Variants in ABR observed in about 807,000 individuals in gnomAD.
ABR encodes the protein active breakpoint cluster region-related protein.
ABR carries 35 observed loss-of-function variants against 107.2 expected under a neutral mutation model. The ratio of observed to expected loss-of-function variants is 0.33; its 90% confidence interval spans 0.25 to 0.43. The LOEUF (loss-of-function observed/expected upper bound fraction) is 0.43, where lower values mean the gene tolerates loss of function less well. Ranked by LOEUF, ABR falls within the 20% of genes least tolerant of loss-of-function variation. ABR has a pLI of 1.00. For synonymous variants in ABR, 498 were observed against 462.0 expected, an observed-to-expected ratio of 1.08 and a Z score of -1.00; for missense variants, 815 against 1,115.2, an observed-to-expected ratio of 0.73 and a Z score of 3.83.
At position 1,006,032 on chromosome 17, in the gene ABR, G is replaced by C. The variant is rs1321694665; in HGVS notation, c.*48C>G. The C allele has an allele frequency of 1.4e-6, 2 of 1,475,978 alleles. No homozygotes were observed. Among genetic ancestry groups the C allele is most frequent in the East Asian group, 4.9e-5 (2 of 40,624 alleles). 91.4% of individuals were successfully genotyped at this position (1,475,978 alleles called of 1,614,324 possible). A position where few individuals can be genotyped will look rare whatever the true frequency, so the allele number is the denominator to read the frequency against. ...CTTTCAAGTCTGAGTTGGACCCCAGGCTGGAGGGGCTGGTTCCACCACCCG... is the reference window on the plus strand; with the variant it reads ...CTTTCAAGTCTGAGTTGGACCCCAGCCTGGAGGGGCTGGTTCCACCACCCG... On this transcript the variant is annotated 3_prime_UTR_variant, in exon 23 of 23. Transcript: ENST00000302538.
intron 1 of ABR, among the ~76,000 whole-genome samples, chr17:1,211,368 T>C (rs2042898756): frequency 6.6e-6 from 1 of 152,218 alleles, no homozygotes; most frequent in Admixed American, 6.5e-5. Context: ...CCCAGTGGGA[T>C]TCCATTTCAG....
intron 16 of ABR, among the ~76,000 whole-genome samples, chr17:1,018,982 T>C (rs1049244009): frequency 6.6e-6 from 1 of 152,166 alleles, no homozygotes; most frequent in African/African-American, 2.4e-5. Flanking sequence ...CAGCACCCTC[T>C]CTGCTGAAAC....
intron 4 of ABR, among the ~76,000 whole-genome samples, chr17:1,088,452 TTAATAATAATAATAA>T (rs60961802): frequency 0.011 from 1,527 of 143,502 alleles, 16 homozygotes; most frequent in Non-Finnish European, 0.015. Context: ...TCTTCCCAAT[TTAATAATAATAATAA>T]TAATAATAAT....
At chr17:1,109,196 C>G in intron 2 of ABR, 3 of 1,261,060 alleles carry the variant, frequency 2.4e-6, no homozygotes, top group Non-Finnish European at 3.1e-6. Context: ...CTGGGGCTCC[C>G]GACCCGGGAC....
chr17:1,031,521 CGCAGCCCCCGCAG>C, intron 16 of ABR: 1 of 208,636 alleles, frequency 4.8e-6, no homozygotes, highest in Non-Finnish European at 6.9e-6. Flanking sequence ...CATCAGCCCC[CGCAGCCCCCGCAG>C]CCCCCCGAGC....
intron 16 of ABR, among the ~76,000 whole-genome samples, chr17:1,042,440 G>T (rs1183281273): frequency 1.3e-5 from 2 of 151,436 alleles, no homozygotes; most frequent in Non-Finnish European, 2.9e-5. Flanking sequence ...TCCACAGATG[G>T]ACAGGCGGAT....
chr17:1,061,559 T>C (rs1567677481), intron 10 of ABR, among the ~76,000 whole-genome samples: 1 of 84,562 alleles, frequency 1.2e-5, no homozygotes, highest in Non-Finnish European at 2.5e-5. Flanking sequence ...CTTTTTTTTT[T>C]TGAGATGGAG....
At position 1,215,330 on chromosome 17, in the gene ABR, A is replaced by C. The variant is rs1428659165; in HGVS notation, c.838+13463T>G. Among the ~76,000 whole-genome samples, 756 of 150,426 alleles carry C rather than the reference A, an allele frequency of 5.0e-3. 9 individuals are homozygous for C. The highest frequency in any genetic ancestry group is 7.1e-3 in the Non-Finnish European group (479 of 67,018). ...ACTGCTGCCATCTCGGCTCACTGCA[A>C]GCTCCCTGCCTGATTCTCCTGCCTC... On this transcript the variant is annotated intron_variant, in intron 1 of 22. Coordinates refer to the ABR transcript ENST00000574139.
intron 16 of ABR, among the ~76,000 whole-genome samples, chr17:1,042,607 G>A (rs968212253): frequency 2.4e-5 from 3 of 122,906 alleles, no homozygotes; most frequent in Non-Finnish European, 5.2e-5. Context: ...ATGGATGGAC[G>A]AAGAGACGTG....
At chr17:1,093,795 G>A (rs2260849) in intron 3 of ABR, among the ~76,000 whole-genome samples, 48,717 of 151,822 alleles carry the variant, frequency 0.32, 9,015 homozygotes, top group East Asian at 0.48. Flanking sequence ...CAGATATATC[G>A]CCTCACTCTG....
intron 1 of ABR, among the ~76,000 whole-genome samples, chr17:1,203,793 G>T (rs1214072010): frequency 6.6e-6 from 1 of 152,112 alleles, no homozygotes; most frequent in African/African-American, 2.4e-5. Context: ...AGGGGGCTCG[G>T]GCGCTCTCTC....
At chr17:1,029,132 G>A (rs1353864703) in intron 16 of ABR, among the ~76,000 whole-genome samples, 2 of 151,370 alleles carry the variant, frequency 1.3e-5, no homozygotes, top group Non-Finnish European at 2.9e-5. Context: ...CAGGGAAAAG[G>A]AAAGAAAAGT....
At chr17:1,091,063 C>T (rs1047558279) in intron 4 of ABR, among the ~76,000 whole-genome samples, 2 of 152,206 alleles carry the variant, frequency 1.3e-5, no homozygotes, top group South Asian at 4.1e-4. Context: ...CCCGACCCTG[C>T]AGTGGTGAGC....
Position 1,179,840 on chromosome 17 carries a change from G to A in ABR, c.-113C>T. 1 of 1,159,740 alleles carries A rather than the reference G, an allele frequency of 8.6e-7. No homozygotes were observed. Among genetic ancestry groups the A allele is most frequent in the Non-Finnish European group, 1.1e-6 (1 of 881,378 alleles). The allele number at this position is 1,159,740 out of a possible 1,614,324, so 71.8% of individuals were successfully genotyped here. A position where few individuals can be genotyped will look rare whatever the true frequency, so the allele number is the denominator to read the frequency against. On this transcript the variant is annotated 5_prime_UTR_variant, in exon 1 of 23. Transcript: ENST00000302538. This position sits in a 1 kb window ranked among gnomAD's most constrained non-coding sequence, Gnocchi z 4.9. The stretch of plus-strand genomic sequence containing the variant: ...AGTTGCGAGCGCGGAGGGGCGAGGA[G>A]GCCGGGAACCAGGTCCCCGGGAGGA...
rs76423869 is a variant in ABR at position 1,160,601 on chromosome 17, C to T, written c.61+19066G>A. The stretch of plus-strand genomic sequence containing the variant: ...ACTGTTCCAGGTGCCAGGGGTACGA[C>T]GGAGCAGCAAACAGACCAAATGTCT... On this transcript the variant is annotated intron_variant, in intron 1 of 22. Coordinates refer to ENST00000302538, the MANE Select transcript of ABR (RefSeq NM_021962.5). Among the ~76,000 whole-genome samples the T allele has an allele frequency of 9.1e-3, 1,390 of 152,310 alleles. 20 individuals are homozygous for T. The highest frequency in any genetic ancestry group is 0.032 in the African/African-American group (1,324 of 41,548).
chr17:1,179,310 A>T lies in ABR; in HGVS notation c.61+357T>A, dbSNP rs73277387. Among the ~76,000 whole-genome samples, 4,858 of 152,010 alleles carry T rather than the reference A, an allele frequency of 0.032. 245 individuals are homozygous for T. The highest frequency in any genetic ancestry group is 0.11 in the African/African-American group (4,575 of 41,436). On this transcript the variant is annotated intron_variant, in intron 1 of 22. Transcript: ENST00000302538. The surrounding 1 kb of genome is among the most constrained non-coding windows in gnomAD (Gnocchi z 4.9). ...TCCAGGGGCGGGGGCAGCACCCAGAAGGGCCTCCCTCCCCTGAGGCTCGCG... is the reference window on the plus strand; with the variant it reads ...TCCAGGGGCGGGGGCAGCACCCAGATGGGCCTCCCTCCCCTGAGGCTCGCG...
At chr17:1,112,987 G>A (rs372259643) in intron 2 of ABR, among the ~76,000 whole-genome samples, 3 of 149,302 alleles carry the variant, frequency 2.0e-5, no homozygotes, top group Admixed American at 6.6e-5. Flanking sequence ...ATTTGTTAAC[G>A]CCTGACCCAA....
chr17:1,194,412 G>A lies in ABR; in HGVS notation c.838+34381C>T, dbSNP rs191626611. ...GGGGTTTCACCATGTTGGCCATGCT[G>A]GTCTCAACTCCTGACCTCAGGTGAT... On this transcript the variant is annotated intron_variant, in intron 1 of 22. Coordinates refer to the ABR transcript ENST00000574139. Among the ~76,000 whole-genome samples the A allele has an allele frequency of 1.5e-3, 227 of 151,280 alleles. 1 individual carries two copies. Among genetic ancestry groups the A allele is most frequent in the Non-Finnish European group, 2.6e-3 (175 of 67,850 alleles).
At chr17:1,112,403 C>T (rs1160814583) in intron 2 of ABR, among the ~76,000 whole-genome samples, 3 of 152,176 alleles carry the variant, frequency 2.0e-5, no homozygotes, top group African/African-American at 7.2e-5. Flanking sequence ...GAAGGGTTTC[C>T]AGGCAAAGAA....
Sources: allele counts gnomAD v4.1 joint callset (sites outside exome capture counted in the v4.1 genomes callset), GRCh38; gene constraint gnomAD v4.1.1; non-coding constraint Gnocchi (gnomAD v3.1); transcripts MANE v1.5; gene names NCBI Gene and HGNC (gene_info 2026-07-23, HGNC 2026-07-21).